LYAR: variants seen among roughly 807,000 people sequenced by gnomAD.
The protein encoded by LYAR is cell growth-regulating nucleolar protein.
Under a neutral mutation model 45.2 loss-of-function variants are expected in LYAR, and 37 were observed. The observed-to-expected ratio is 0.82, with a 90% CI of 0.63 to 1.08. LYAR has a LOEUF of 1.08. LYAR is among the 50% of genes least tolerant of loss of function. The probability of loss-of-function intolerance (pLI) is 0.00; values close to 1 mark genes in which losing one functional copy is unlikely to be tolerated. For missense variants in LYAR, 493 were observed against 451.0 expected (o/e 1.09, Z -0.84); for synonymous variants, 176 against 155.1 (o/e 1.14, Z -1.00).
intron 8 of LYAR, among the ~76,000 whole-genome samples, chr4:4,270,076 TGTG>T (rs1399763049): frequency 2.0e-5 from 3 of 151,882 alleles, no homozygotes; most frequent in Non-Finnish European, 4.4e-5. Context: ...CTTCGCTGGG[TGTG>T]GTGGTGTGTA....
chr4:4,273,479 C>G, intron 8 of LYAR, 104 bp downstream of exon 8: 2 of 755,106 alleles, frequency 2.6e-6, no homozygotes, highest in Admixed American at 4.6e-5. Context: ...GCCTCACACT[C>G]CTGAGCTCAA....
At chr4:4,273,534 G>T in intron 8 of LYAR, 49 bp downstream of exon 8, 1 of 1,387,136 alleles carries the variant, frequency 7.2e-7, no homozygotes, top group South Asian at 1.2e-5. Context: ...GACTATCAGC[G>T]AGAGCCGCTG....
At chr4:4,289,469 A>G (rs1719767121) in intron 1 of LYAR, 1 of 152,226 alleles carries the variant, frequency 6.6e-6, no homozygotes, top group Non-Finnish European at 1.5e-5. Context: ...CCTAACATTC[A>G]TGGAGCACCC....
At chr4:4,271,904 A>T (rs899339952) in intron 8 of LYAR, among the ~76,000 whole-genome samples, 1 of 152,226 alleles carries the variant, frequency 6.6e-6, no homozygotes, top group Admixed American at 6.5e-5. Flanking sequence ...GATACTCCTC[A>T]CCAATAAGAT....
chr4:4,274,892 C>T (rs1467615777), intron 6 of LYAR, 123 bp from the exon 7 acceptor site: 7 of 885,560 alleles, frequency 7.9e-6, no homozygotes, highest in South Asian at 3.6e-5. Context: ...AATCCCTTAT[C>T]GTTTTATAAC....
intron 2 of LYAR, 144 bp from the exon 3 acceptor site, chr4:4,283,939 C>T: frequency 1.9e-6 from 1 of 532,262 alleles, no homozygotes; most frequent in Non-Finnish European, 3.3e-6. Context: ...TTCCACCATT[C>T]ATATAAGTAA....
chr4:4,274,253 A>C (rs1719079543), intron 7 of LYAR, 114 bp downstream of exon 7: 8 of 1,224,286 alleles, frequency 6.5e-6, no homozygotes, highest in East Asian at 2.4e-5. Flanking sequence ...AACAAAAAAA[A>C]AAAAAACCAC....
intron 3 of LYAR, 38 bp from the exon 4 acceptor site, chr4:4,281,935 C>T: frequency 7.0e-7 from 1 of 1,421,216 alleles, no homozygotes; most frequent in Non-Finnish European, 9.9e-7. Flanking sequence ...TAGACTGATA[C>T]CCAAGTTGGA....
intron 8 of LYAR, 119 bp downstream of exon 8, chr4:4,273,464 C>A: frequency 1.4e-6 from 1 of 690,694 alleles, no homozygotes; most frequent in Admixed American, 2.4e-5. Flanking sequence ...CCATGGCTCA[C>A]TACAGCCTCA....
intron 9 of LYAR, 51 bp from the exon 10 acceptor site, chr4:4,268,074 TA>T (rs761910934): frequency 3.4e-6 from 5 of 1,466,594 alleles, no homozygotes; most frequent in South Asian, 1.4e-5. Context: ...AAAATTATCT[TA>T]AAATGTTCTG....
At chr4:4,288,153 C>G (rs1239281204) in intron 1 of LYAR, among the ~76,000 whole-genome samples, 1 of 152,244 alleles carries the variant, frequency 6.6e-6, no homozygotes, top group Non-Finnish European at 1.5e-5. Context: ...TAATACCTAA[C>G]TCAAAGCATT....
At chr4:4,268,339 A>G (rs914964734) in intron 9 of LYAR, among the ~76,000 whole-genome samples, 191 bp downstream of exon 9, 1 of 152,238 alleles carries the variant, frequency 6.6e-6, no homozygotes, top group Non-Finnish European at 1.5e-5. Flanking sequence ...TCAAAGTCTT[A>G]TAAACAAGCC....
chr4:4,285,899 C>T (rs1719590605), intron 2 of LYAR, among the ~76,000 whole-genome samples: 1 of 152,138 alleles, frequency 6.6e-6, no homozygotes, highest in African/African-American at 2.4e-5. Context: ...GTGATGTTGA[C>T]AAAAAGATAC....
chr4:4,275,466 G>A (rs914091534), intron 6 of LYAR, among the ~76,000 whole-genome samples: 1 of 150,982 alleles, frequency 6.6e-6, no homozygotes, highest in Non-Finnish European at 1.5e-5. Context: ...GGGGACAGGG[G>A]TCTTGCTTTG....
chr4:4,279,857 G>T lies in LYAR; in HGVS notation c.238-108C>A, dbSNP rs887902489. On this transcript the variant is annotated intron_variant, in intron 4 of 9. Coordinates refer to ENST00000343470, the MANE Select transcript of LYAR (RefSeq NM_017816.3). Reference sequence around the variant, plus strand: ...CATGGCTAAAGCGTTCACGTTTTAAGCCCAGATTCTGTATTTATGTCTATG... The same window carrying T: ...CATGGCTAAAGCGTTCACGTTTTAATCCCAGATTCTGTATTTATGTCTATG... 1.9e-5 allele frequency: 13 copies of T among 679,110 alleles called. No homozygotes were observed. In the African/African-American group the frequency reaches 2.4e-4, roughly 12 times the overall value. The allele number at this position is 679,110 out of a possible 1,614,324, so 42.1% of individuals were successfully genotyped here.
chr4:4,274,761 G>A lies in LYAR; in HGVS notation c.438C>T (p.Val146=), dbSNP rs200504713. 792 of 1,589,850 alleles carry A rather than the reference G, an allele frequency of 5.0e-4. No individual in the cohort carries two copies. Among genetic ancestry groups the A allele is most frequent in the Non-Finnish European group, 6.4e-4 (751 of 1,173,536 alleles). The change falls in exon 7 of 10, where the codon GTC becomes GTT. Residue 146 remains valine (V), a synonymous_variant. Coordinates refer to ENST00000343470, the MANE Select transcript of LYAR (RefSeq NM_017816.3). ...GTGGCCGTTGATCCTGTTCCTTATT[G>A]ACTGGTTCCTTATCATTAAGCAAAA... ...IFSEASNSEP[V]NKEQDQRPLH...
At chr4:4,268,868 A>G in intron 8 of LYAR, 1 of 363,900 alleles carries the variant, frequency 2.7e-6, no homozygotes. Context: ...ATAGAGTTGT[A>G]TGTAATGAAC....
At chr4:4,287,800 T>G (rs1242918084) in intron 1 of LYAR, among the ~76,000 whole-genome samples, 1 of 152,022 alleles carries the variant, frequency 6.6e-6, no homozygotes, top group Non-Finnish European at 1.5e-5. Flanking sequence ...AAAATTAAGG[T>G]CTCTATAAGA....
chr4:4,274,247 A>AAC lies in LYAR; in HGVS notation c.832+119_832+120insGT. The AAC allele has an allele frequency of 8.6e-6, 10 of 1,165,006 alleles. No homozygotes were observed. The African/African-American group carries it at 9.2e-5, about 11-fold the overall frequency. 72.2% of individuals were successfully genotyped at this position (1,165,006 alleles called of 1,614,324 possible). A position where few individuals can be genotyped will look rare whatever the true frequency, so the allele number is the denominator to read the frequency against. On this transcript the variant is annotated intron_variant, in intron 7 of 9. Transcript: ENST00000343470. ...GCAAGACTCCGTCTCAAAAAAAACA[A>AAC]AAAAAAAAAAAACCACACACACACG...
Sources: allele counts gnomAD v4.1 joint callset (sites outside exome capture counted in the v4.1 genomes callset), GRCh38; gene constraint gnomAD v4.1.1; transcripts MANE v1.5; gene names NCBI Gene and HGNC (gene_info 2026-07-23, HGNC 2026-07-21).